The following GRIN2B variants were observed in gnomAD, a reference collection of about 807,000 sequenced individuals.
The protein encoded by GRIN2B is glutamate ionotropic receptor NMDA type subunit 2B.
A neutral mutation model predicts 114.5 loss-of-function variants in GRIN2B; 5 were observed. The ratio of observed to expected loss-of-function variants is 0.04; its 90% CI spans 0.02 to 0.09. GRIN2B has a LOEUF of 0.09. Ranked by LOEUF, GRIN2B falls within the 10% of genes least tolerant of loss-of-function variation. The pLI is 1.00. For synonymous variants in GRIN2B, 787 were observed against 745.1 expected (o/e 1.06, Z -0.92); for missense variants, 1,108 against 1,943.5 (o/e 0.57, Z 8.08).
intron 3 of GRIN2B, among the ~76,000 whole-genome samples, chr12:13,861,275 A>G (rs1865747070): frequency 2.0e-5 from 3 of 152,230 alleles, no homozygotes; most frequent in South Asian, 2.1e-4. Flanking sequence ...TTTGAATTCT[A>G]GTCCCATTGC....
At chr12:13,581,488 G>A (rs371023545) in intron 10 of GRIN2B, among the ~76,000 whole-genome samples, 1 of 124,842 alleles carries the variant, frequency 8.0e-6, no homozygotes. Context: ...CGGGCCCAGT[G>A]GGAGAAGAAG....
chr12:13,937,936 G>A (rs1315109836), intron 2 of GRIN2B, among the ~76,000 whole-genome samples: 1 of 152,048 alleles, frequency 6.6e-6, no homozygotes, highest in East Asian at 1.9e-4. Context: ...TGGGTAGGAA[G>A]TGAGAAACAG....
At chr12:13,869,202 C>G (rs1467996168) in intron 2 of GRIN2B, among the ~76,000 whole-genome samples, 2 of 149,850 alleles carry the variant, frequency 1.3e-5, no homozygotes, top group African/African-American at 4.9e-5. Context: ...TTATTGAGCA[C>G]TTATAACCTA....
intron 3 of GRIN2B, among the ~76,000 whole-genome samples, chr12:13,802,234 C>G (rs1334587935): frequency 1.3e-5 from 2 of 152,044 alleles, no homozygotes; most frequent in African/African-American, 2.4e-5. Context: ...AAATTAAAAT[C>G]AAGTGGCTAA....
intron 2 of GRIN2B, among the ~76,000 whole-genome samples, chr12:13,941,067 T>TCACACACA (rs57165618): frequency 3.3e-5 from 5 of 150,866 alleles, no homozygotes; most frequent in African/African-American, 1.2e-4. Context: ...ACACATATGT[T>TCACACACA]CACACACACA....
intron 10 of GRIN2B, among the ~76,000 whole-genome samples, chr12:13,604,419 T>C (rs897156418): frequency 1.3e-5 from 2 of 152,220 alleles, no homozygotes; most frequent in Admixed American, 1.3e-4. Context: ...TTTAAAAAGC[T>C]ATAAATCGAA....
chr12:13,607,453 A>G (rs1260235159), intron 10 of GRIN2B, among the ~76,000 whole-genome samples: 1 of 89,994 alleles, frequency 1.1e-5, no homozygotes, highest in East Asian at 2.9e-4. Context: ...TATATAATAA[A>G]TATATAAAAT....
At chr12:13,876,169 G>C (rs2136758840) in intron 2 of GRIN2B, among the ~76,000 whole-genome samples, 1 of 152,300 alleles carries the variant, frequency 6.6e-6, no homozygotes, top group African/African-American at 2.4e-5. Context: ...AAGTCAAAAA[G>C]AGCTAGAATT....
chr12:13,883,175 T>C (rs1462095749), intron 2 of GRIN2B, among the ~76,000 whole-genome samples: 1 of 152,202 alleles, frequency 6.6e-6, no homozygotes, highest in African/African-American at 2.4e-5. Flanking sequence ...CATTAAGGGG[T>C]GTTACCACTT....
chr12:13,947,356 A>G (rs917042403), intron 2 of GRIN2B, among the ~76,000 whole-genome samples: 5 of 152,188 alleles, frequency 3.3e-5, no homozygotes, highest in African/African-American at 1.2e-4. Context: ...TGTAGGCTGC[A>G]TGTTGCTTTC....
chr12:13,853,165 T>A (rs898829354), intron 3 of GRIN2B, among the ~76,000 whole-genome samples: 4 of 152,214 alleles, frequency 2.6e-5, no homozygotes, highest in Non-Finnish European at 4.4e-5. Context: ...TTTCTGCTAT[T>A]TTCATTAAAG....
chr12:13,912,432 A>G (rs746778125), intron 2 of GRIN2B, among the ~76,000 whole-genome samples: 16 of 152,234 alleles, frequency 1.1e-4, no homozygotes, highest in Non-Finnish European at 2.1e-4. Flanking sequence ...GCTGAAAGGA[A>G]TTAATACTCC....
At chr12:13,980,823 C>T (rs1182927327) in intron 1 of GRIN2B, among the ~76,000 whole-genome samples, 1 of 152,228 alleles carries the variant, frequency 6.6e-6, no homozygotes, top group East Asian at 1.9e-4. Flanking sequence ...CCTCCCACCC[C>T]GGGCTTGTGC....
intron 4 of GRIN2B, among the ~76,000 whole-genome samples, chr12:13,696,314 CT>C (rs1455394476): frequency 6.6e-6 from 1 of 152,158 alleles, no homozygotes; most frequent in African/African-American, 2.4e-5. Flanking sequence ...CTTGGGAGCC[CT>C]CCTATCTTCA....
chr12:13,642,477 C>T (rs988856787), intron 5 of GRIN2B, among the ~76,000 whole-genome samples: 1 of 152,024 alleles, frequency 6.6e-6, no homozygotes, highest in Non-Finnish European at 1.5e-5. Context: ...ATGTGCCTTC[C>T]AGATCCAAGA....
intron 2 of GRIN2B, among the ~76,000 whole-genome samples, chr12:13,869,607 G>A (rs1440672810): frequency 6.6e-6 from 1 of 152,144 alleles, no homozygotes; most frequent in African/African-American, 2.4e-5. Flanking sequence ...TTACAAATGA[G>A]AAAACTGAGG....
intron 2 of GRIN2B, among the ~76,000 whole-genome samples, chr12:13,901,652 TTATAAA>T (rs745415446): frequency 6.6e-6 from 1 of 152,118 alleles, no homozygotes; most frequent in African/African-American, 2.4e-5. Flanking sequence ...GCTACGTATC[TTATAAA>T]TATATTTTCC....
intron 3 of GRIN2B, among the ~76,000 whole-genome samples, chr12:13,849,338 C>G (rs145485688): frequency 6.6e-6 from 1 of 152,132 alleles, no homozygotes; most frequent in African/African-American, 2.4e-5. Flanking sequence ...ACAGCTGTCA[C>G]AGCCGTTGGA....
chr12:13,620,599 A>G (rs1249867058), intron 5 of GRIN2B, among the ~76,000 whole-genome samples: 1 of 152,210 alleles, frequency 6.6e-6, no homozygotes, highest in Non-Finnish European at 1.5e-5. Flanking sequence ...TAATTAAAAT[A>G]ATTCTAAACA....
Sources: allele counts gnomAD v4.1 joint callset (sites outside exome capture counted in the v4.1 genomes callset), GRCh38; gene constraint gnomAD v4.1.1; transcripts MANE v1.5; gene names NCBI Gene and HGNC (gene_info 2026-07-23, HGNC 2026-07-21).